Variants in KCNH5 observed in about 807,000 individuals in gnomAD.
The protein encoded by KCNH5 is voltage-gated delayed rectifier potassium channel KCNH5.
In KCNH5, 46 loss-of-function variants were observed where a neutral mutation model predicts 96.1. That is an observed-to-expected ratio of 0.48 (90% CI 0.38 to 0.61). KCNH5 has a LOEUF of 0.61. Among genes scored for constraint, KCNH5 ranks in the 20% least tolerant of loss-of-function variants. The pLI is 0.00. For missense variants in KCNH5, 907 were observed against 1,225.8 expected, an observed-to-expected ratio of 0.74 and a Z score of 3.88; for synonymous variants, 439 against 449.8, an observed-to-expected ratio of 0.98 and a Z score of 0.30.
chr14:62,782,335 G>C (rs576957871), intron 9 of KCNH5, among the ~76,000 whole-genome samples: 1 of 152,284 alleles, frequency 6.6e-6, no homozygotes, highest in East Asian at 1.9e-4. Context: ...CATGACTGAA[G>C]AGGTGATTAA....
At chr14:63,034,915 A>T (rs543775859) in intron 1 of KCNH5, among the ~76,000 whole-genome samples, 101 of 152,330 alleles carry the variant, frequency 6.6e-4, no homozygotes, top group African/African-American at 2.3e-3. Flanking sequence ...TCATGAAAAA[A>T]TGAGTTTCTA....
intron 9 of KCNH5, among the ~76,000 whole-genome samples, chr14:62,786,707 C>T (rs928339606): frequency 2.0e-5 from 3 of 152,078 alleles, no homozygotes; most frequent in Non-Finnish European, 2.9e-5. Context: ...TTTCTAACAG[C>T]ATGTGATCAT....
chr14:63,038,280 T>G (rs930777613), intron 1 of KCNH5, among the ~76,000 whole-genome samples: 1 of 152,226 alleles, frequency 6.6e-6, no homozygotes, highest in Non-Finnish European at 1.5e-5. Flanking sequence ...TGCTATGTGC[T>G]CTGCACAGTG....
chr14:62,842,609 T>C (rs965529978), intron 8 of KCNH5, among the ~76,000 whole-genome samples: 8 of 152,218 alleles, frequency 5.3e-5, no homozygotes, highest in Non-Finnish European at 7.3e-5. Context: ...TAATAGTTTC[T>C]TAATAGCGTC....
intron 2 of KCNH5, among the ~76,000 whole-genome samples, chr14:63,009,498 C>T (rs901839769): frequency 6.6e-6 from 1 of 152,140 alleles, no homozygotes; most frequent in Non-Finnish European, 1.5e-5. Context: ...TCATTTCTTA[C>T]ATTGTTCCAC....
intron 10 of KCNH5, among the ~76,000 whole-genome samples, chr14:62,765,776 G>T (rs925284964): frequency 2.0e-5 from 3 of 152,064 alleles, no homozygotes; most frequent in Admixed American, 1.3e-4. Context: ...CAGGGCATTG[G>T]TCTGGGCAAA....
chr14:62,931,322 A>T (rs536841427), intron 7 of KCNH5, among the ~76,000 whole-genome samples: 20 of 152,270 alleles, frequency 1.3e-4, no homozygotes, highest in Non-Finnish European at 2.5e-4. Flanking sequence ...GAGCTACATA[A>T]ATCCGGATGA....
chr14:62,803,575 C>G (rs936068729), intron 8 of KCNH5, among the ~76,000 whole-genome samples: 5 of 152,118 alleles, frequency 3.3e-5, no homozygotes, highest in Admixed American at 6.6e-5. Context: ...AAGACTACTG[C>G]AGGCAGTAGC....
In KCNH5 at chr14:62,707,617, G is replaced by A. The variant is rs1884461919; in HGVS notation, c.2858C>T (p.Pro953Leu). 1 of 1,551,112 alleles carries A rather than the reference G, an allele frequency of 6.4e-7. No homozygotes were observed. The highest frequency in any genetic ancestry group is 1.4e-5 in the African/African-American group (1 of 73,042). The part of the protein sequence containing the change: ...SEKSVPQASS[P>L]KSQMPLQVPP... ...TACTTGGAGTGGCATTTGGGATTTGGGAGATGAGGCCTGGGGTACGCTTTT... is the reference window on the plus strand; with the variant it reads ...TACTTGGAGTGGCATTTGGGATTTGAGAGATGAGGCCTGGGGTACGCTTTT... Residue 953 changes from proline (P) to leucine (L), a missense_variant, in exon 11 of 11, where the codon CCC (proline) becomes CTC (leucine). Transcript: ENST00000322893.
chr14:63,020,156 G>T (rs557291596), intron 1 of KCNH5, among the ~76,000 whole-genome samples: 1 of 152,152 alleles, frequency 6.6e-6, no homozygotes, highest in African/African-American at 2.4e-5. Context: ...TAGTTTTAAA[G>T]ATTAGCAATA....
chr14:62,985,592 T>C (rs985474864), intron 5 of KCNH5, among the ~76,000 whole-genome samples: 1 of 152,190 alleles, frequency 6.6e-6, no homozygotes, highest in African/African-American at 2.4e-5. Context: ...TTTGGCATCT[T>C]TCATACCAGT....
intron 10 of KCNH5, among the ~76,000 whole-genome samples, chr14:62,760,610 A>G (rs945796014): frequency 6.6e-6 from 1 of 152,254 alleles, no homozygotes; most frequent in African/African-American, 2.4e-5. Context: ...TCAAATGTCA[A>G]CTTCTAAAAG....
At chr14:62,714,391 A>G (rs1884639605) in intron 10 of KCNH5, among the ~76,000 whole-genome samples, 1 of 152,238 alleles carries the variant, frequency 6.6e-6, no homozygotes, top group Non-Finnish European at 1.5e-5. Flanking sequence ...AATTTGATTT[A>G]GTTAAACTCT....
intron 10 of KCNH5, among the ~76,000 whole-genome samples, chr14:62,727,870 A>C: frequency 6.6e-6 from 1 of 151,050 alleles, no homozygotes; most frequent in East Asian, 1.9e-4. Context: ...TACTAAACAG[A>C]CTAAACGCTC....
intron 4 of KCNH5, among the ~76,000 whole-genome samples, chr14:62,995,890 A>G (rs1274069193): frequency 1.3e-5 from 2 of 152,036 alleles, no homozygotes; most frequent in Non-Finnish European, 2.9e-5. Context: ...CATATTCCCA[A>G]TTTTTGGTTG....
chr14:62,817,669 C>T (rs947538041), intron 8 of KCNH5, among the ~76,000 whole-genome samples: 3 of 147,392 alleles, frequency 2.0e-5, no homozygotes, highest in African/African-American at 4.9e-5. Context: ...GCATGCATTA[C>T]TGCCATGGAA....
At chr14:63,039,507 T>C (rs995688168) in intron 1 of KCNH5, among the ~76,000 whole-genome samples, 2 of 152,028 alleles carry the variant, frequency 1.3e-5, no homozygotes, top group Non-Finnish European at 2.9e-5. Context: ...AGATGTCTCA[T>C]AGAGAAAAAA....
At chr14:62,964,229 G>GT (rs1486575302) in intron 6 of KCNH5, among the ~76,000 whole-genome samples, 1 of 151,998 alleles carries the variant, frequency 6.6e-6, no homozygotes, top group African/African-American at 2.4e-5. Context: ...AGGTTCTAAG[G>GT]TACCACTGTT....
intron 10 of KCNH5, among the ~76,000 whole-genome samples, chr14:62,740,162 A>C (rs1408852843): frequency 6.6e-6 from 1 of 152,314 alleles, no homozygotes; most frequent in Non-Finnish European, 1.5e-5. Flanking sequence ...CATTATAGGA[A>C]GGAATAAGAT....
Sources: gnomAD v4.1 joint callset for allele counts (sites outside exome capture counted in the v4.1 genomes callset) on GRCh38, gnomAD v4.1.1 for gene constraint, MANE v1.5 for transcripts, NCBI Gene and HGNC (gene_info 2026-07-23, HGNC 2026-07-21) for gene names.